The following ADGRB3 variants were observed in gnomAD, a reference collection of about 807,000 sequenced individuals.
The protein encoded by ADGRB3 is brain-specific angiogenesis inhibitor 3.
A neutral mutation model predicts 193.4 loss-of-function variants in ADGRB3; 37 were observed. The ratio of observed to expected loss-of-function variants is 0.19; its 90% CI spans 0.15 to 0.25. The LOEUF (loss-of-function observed/expected upper bound fraction) is 0.25, where lower values mean the gene tolerates loss of function less well. Ranked by LOEUF, ADGRB3 falls within the 10% of genes least tolerant of loss-of-function variation. The pLI is 1.00. For synonymous variants in ADGRB3, 690 were observed against 644.2 expected, an observed-to-expected ratio of 1.07 and a Z score of -1.08; for missense variants, 1,637 against 1,852.9, an observed-to-expected ratio of 0.88 and a Z score of 2.14.
intron 3 of ADGRB3, among the ~76,000 whole-genome samples, chr6:68,911,298 A>G (rs556060494): frequency 6.6e-6 from 1 of 151,746 alleles, no homozygotes; most frequent in Non-Finnish European, 1.5e-5. Context: ...GGCTAGCATT[A>G]GGAGATATAC....
chr6:68,915,297 GTT>G (rs1491390854), intron 3 of ADGRB3, among the ~76,000 whole-genome samples: 118,169 of 151,500 alleles, frequency 0.78, 46,585 homozygotes, highest in Middle Eastern at 0.85. Context: ...AACTCATCCA[GTT>G]AGGCACTTAA....
At chr6:69,309,174 A>C (rs1162863336) in intron 20 of ADGRB3, among the ~76,000 whole-genome samples, 1 of 151,734 alleles carries the variant, frequency 6.6e-6, no homozygotes, top group African/African-American at 2.4e-5. Context: ...CACAACAAAT[A>C]TTTATTGGAT....
intron 3 of ADGRB3, among the ~76,000 whole-genome samples, chr6:68,670,094 T>C (rs1768907314): frequency 1.3e-5 from 2 of 152,100 alleles, no homozygotes; most frequent in African/African-American, 2.4e-5. Flanking sequence ...TTCAAATCTT[T>C]TGCCCATTTT....
chr6:69,339,198 A>G (rs2127319165), intron 25 of ADGRB3, 135 bp from the exon 26 acceptor site: 2 of 1,212,324 alleles, frequency 1.6e-6, no homozygotes, highest in Middle Eastern at 2.1e-4. Context: ...TAAGACTCTC[A>G]AATGTCATCT....
intron 3 of ADGRB3, among the ~76,000 whole-genome samples, chr6:68,911,494 G>A (rs1582308012): frequency 6.6e-6 from 1 of 152,178 alleles, no homozygotes; most frequent in East Asian, 1.9e-4. Context: ...AAATGCCTGA[G>A]TCATTAAATT....
intron 3 of ADGRB3, among the ~76,000 whole-genome samples, chr6:68,672,065 T>C (rs547890443): frequency 6.6e-6 from 1 of 152,184 alleles, no homozygotes; most frequent in East Asian, 1.9e-4. Context: ...TTGCTCATAG[T>C]AGTCACTAAT....
At chr6:69,206,541 T>A (rs978360679) in intron 17 of ADGRB3, among the ~76,000 whole-genome samples, 1 of 152,116 alleles carries the variant, frequency 6.6e-6, no homozygotes, top group Non-Finnish European at 1.5e-5. Context: ...AATAATAAGG[T>A]CATAATTATG....
At chr6:68,791,255 C>T (rs960108779) in intron 3 of ADGRB3, among the ~76,000 whole-genome samples, 3 of 152,134 alleles carry the variant, frequency 2.0e-5, no homozygotes, top group Admixed American at 2.0e-4. Context: ...TGTCCTCTCA[C>T]ACCTGTGCCC....
intron 20 of ADGRB3, among the ~76,000 whole-genome samples, chr6:69,324,142 T>C (rs1468724765): frequency 1.3e-5 from 2 of 152,130 alleles, no homozygotes; most frequent in African/African-American, 2.4e-5. Context: ...TCACAACTAA[T>C]GATAAGCACA....
At chr6:68,978,433 A>G (rs1474357063) in intron 10 of ADGRB3, among the ~76,000 whole-genome samples, 2 of 151,546 alleles carry the variant, frequency 1.3e-5, no homozygotes. Flanking sequence ...TGTATGAAAT[A>G]TACACACACA....
chr6:68,641,142 T>A (rs541864706), intron 3 of ADGRB3, among the ~76,000 whole-genome samples: 1 of 152,228 alleles, frequency 6.6e-6, no homozygotes, highest in Non-Finnish European at 1.5e-5. Context: ...TGTTTTACTG[T>A]TGTTTTAATA....
chr6:68,831,303 TAAAA>T (rs60991980), intron 3 of ADGRB3, among the ~76,000 whole-genome samples: 7,229 of 123,644 alleles, frequency 0.058, 604 homozygotes, highest in African/African-American at 0.2. Context: ...TGGAGAAGAT[TAAAA>T]AAAAAAAAAA....
At chr6:69,223,839 T>A (rs1374992690) in intron 17 of ADGRB3, among the ~76,000 whole-genome samples, 4 of 151,888 alleles carry the variant, frequency 2.6e-5, no homozygotes, top group African/African-American at 9.7e-5. Context: ...GTATTTTTAG[T>A]ACAGTCAGGA....
At chr6:68,880,071 G>C (rs1343288226) in intron 3 of ADGRB3, among the ~76,000 whole-genome samples, 2 of 152,094 alleles carry the variant, frequency 1.3e-5, no homozygotes, top group African/African-American at 4.8e-5. Flanking sequence ...AGCGAGACAT[G>C]GTCAGATTGC....
chr6:69,386,766 A>C (rs1005549101), intron 31 of ADGRB3, among the ~76,000 whole-genome samples: 3 of 152,070 alleles, frequency 2.0e-5, no homozygotes, highest in Non-Finnish European at 4.4e-5. Context: ...TTCGTGGCCA[A>C]GCCCATCCCT....
chr6:68,978,304 ATAGG>A (rs1299285202), intron 10 of ADGRB3, among the ~76,000 whole-genome samples: 1 of 144,622 alleles, frequency 6.9e-6, no homozygotes, highest in Non-Finnish European at 1.5e-5. Flanking sequence ...AGATGGTTGG[ATAGG>A]TAGGTAGGTA....
rs547546106 is a variant in ADGRB3 at position 68,981,381 on chromosome 6, T to C, written c.1734+6041T>C. On this transcript the variant is annotated intron_variant, in intron 10 of 31. Coordinates refer to ENST00000370598, the MANE Select transcript of ADGRB3 (RefSeq NM_001704.3). Reference sequence around the variant, plus strand: ...AATAGCTCATATTTATTGAAGCTGATGGGAAACAAACAAACTTGGAAGGGA... The same window carrying C: ...AATAGCTCATATTTATTGAAGCTGACGGGAAACAAACAAACTTGGAAGGGA... Among the ~76,000 whole-genome samples the C allele has an allele frequency of 4.0e-4, 60 of 151,794 alleles. 1 individual carries two copies. Among genetic ancestry groups the C allele is most frequent in the Non-Finnish European group, 6.3e-4 (43 of 67,766 alleles).
intron 3 of ADGRB3, among the ~76,000 whole-genome samples, chr6:68,717,046 T>C (rs1350041530): frequency 6.6e-6 from 1 of 151,676 alleles, no homozygotes; most frequent in Non-Finnish European, 1.5e-5. Context: ...TATTCGGCAG[T>C]TTTCAAGTTC....
intron 17 of ADGRB3, among the ~76,000 whole-genome samples, chr6:69,098,843 T>C (rs920435550): frequency 6.6e-6 from 1 of 152,192 alleles, no homozygotes; most frequent in Non-Finnish European, 1.5e-5. Flanking sequence ...AAATAAAAAA[T>C]TATTATAGCT....
Sources: gnomAD v4.1 joint callset for allele counts (sites outside exome capture counted in the v4.1 genomes callset) on GRCh38, gnomAD v4.1.1 for gene constraint, MANE v1.5 for transcripts, NCBI Gene and HGNC (gene_info 2026-07-23, HGNC 2026-07-21) for gene names.